Variants in PCNX2 observed in about 807,000 individuals in gnomAD.
PCNX2 encodes the protein pecanex-like protein 2.
PCNX2 carries 168 observed loss-of-function variants against 223.8 expected under a neutral mutation model. The observed-to-expected ratio is 0.75, with a 90% CI of 0.66 to 0.85. The LOEUF is 0.85. Ranked by LOEUF, PCNX2 falls within the 40% of genes least tolerant of loss-of-function variation. The probability of loss-of-function intolerance (pLI) is 0.00; values close to 1 mark genes in which losing one functional copy is unlikely to be tolerated. For missense variants in PCNX2, 2,507 were observed against 2,675.5 expected (o/e 0.94, Z 1.39); for synonymous variants, 1,006 against 1,052.6 (o/e 0.96, Z 0.86).
chr1:233,159,663 T>C (rs1009712227), intron 19 of PCNX2, among the ~76,000 whole-genome samples: 4 of 152,244 alleles, frequency 2.6e-5, no homozygotes, highest in Non-Finnish European at 5.9e-5. Flanking sequence ...GAAAAATTTC[T>C]AGAAGACTTC....
chr1:233,274,759 T>C (rs964536752), intron 1 of PCNX2, among the ~76,000 whole-genome samples: 2 of 152,096 alleles, frequency 1.3e-5, no homozygotes, highest in African/African-American at 2.4e-5. Context: ...GAGCAAATAG[T>C]TTGGAATCAC....
intron 21 of PCNX2, among the ~76,000 whole-genome samples, chr1:233,117,359 C>T (rs1675470942): frequency 6.6e-6 from 1 of 150,788 alleles, no homozygotes. Context: ...CGGCCTGGCG[C>T]GGTTGCTCAC....
intron 19 of PCNX2, among the ~76,000 whole-genome samples, chr1:233,151,382 C>G (rs1467537765): frequency 1.3e-5 from 2 of 152,166 alleles, no homozygotes; most frequent in African/African-American, 2.4e-5. Flanking sequence ...TCAAAATGCT[C>G]TCTTTAGCCT....
chr1:233,031,792 T>C (rs1371383508), intron 25 of PCNX2: 1 of 983,906 alleles, frequency 1.0e-6, no homozygotes, highest in Admixed American at 6.2e-5. Flanking sequence ...ATTCTTTTTT[T>C]TTTTTTTTTT....
At chr1:233,135,674 C>T (rs567393634) in intron 20 of PCNX2, among the ~76,000 whole-genome samples, 64 of 152,248 alleles carry the variant, frequency 4.2e-4, no homozygotes, top group Non-Finnish European at 8.4e-4. Context: ...GAATCCAATT[C>T]GAACAGTGAC....
chr1:232,988,082 G>GA (rs1669558148), intron 32 of PCNX2, among the ~76,000 whole-genome samples: 1 of 152,202 alleles, frequency 6.6e-6, no homozygotes. Flanking sequence ...CTCTTACAGA[G>GA]AAAAAGGAGA....
chr1:233,241,438 C>T (rs910492636), intron 8 of PCNX2: 4 of 906,020 alleles, frequency 4.4e-6, no homozygotes, highest in Non-Finnish European at 5.3e-6. Context: ...CAATCTCTTT[C>T]TAATACGTCT....
At chr1:233,083,972 A>C (rs985820390) in intron 23 of PCNX2, among the ~76,000 whole-genome samples, 9 of 152,338 alleles carry the variant, frequency 5.9e-5, no homozygotes, top group African/African-American at 2.2e-4. Context: ...TGAATAAGAA[A>C]AGATAGAAAT....
At chr1:233,244,601 A>G (rs1658990086) in intron 8 of PCNX2, among the ~76,000 whole-genome samples, 1 of 152,150 alleles carries the variant, frequency 6.6e-6, no homozygotes, top group South Asian at 2.1e-4. Context: ...AATCCCAGCT[A>G]CTTGAGAGGA....
rs543456829 is a variant in PCNX2, at chr1:233,234,821, A to G, written c.2358+2024T>C. Among the ~76,000 whole-genome samples, 168 of 152,298 alleles carry G rather than the reference A, an allele frequency of 1.1e-3. 1 individual carries two copies. The highest frequency in any genetic ancestry group is 3.6e-3 in the African/African-American group (149 of 41,550). The stretch of plus-strand genomic sequence containing the variant: ...CCGGGCTTATCTCAGGGGAAAATGC[A>G]AGTCCCTCAGGAAAGCCCGTATTCC... On this transcript the variant is annotated intron_variant, in intron 9 of 33. Coordinates refer to ENST00000258229, the MANE Select transcript of PCNX2 (RefSeq NM_014801.4).
At chr1:233,323,837 T>C in the PCNX2 span, among the ~76,000 whole-genome samples, 118 of 152,350 alleles carry the variant, frequency 7.7e-4, no homozygotes, top group Non-Finnish European at 1.3e-3. Context: ...GGAAAAGTCA[T>C]ACCTATCTCA....
intron 1 of PCNX2, among the ~76,000 whole-genome samples, chr1:233,293,694 C>G (rs77710193): frequency 0.02 from 3,034 of 152,330 alleles, 107 homozygotes; most frequent in African/African-American, 0.069. Flanking sequence ...ACTGAGCACT[C>G]TCTGTGTGAC....
chr1:233,310,430 G>A, the PCNX2 span, among the ~76,000 whole-genome samples: 2 of 152,182 alleles, frequency 1.3e-5, no homozygotes, highest in Non-Finnish European at 2.9e-5. Flanking sequence ...ATGTAGAGGA[G>A]ACCCCTGGTT....
chr1:233,008,586 T>A (rs1212602056), intron 28 of PCNX2, among the ~76,000 whole-genome samples: 1 of 152,134 alleles, frequency 6.6e-6, no homozygotes, highest in Non-Finnish European at 1.5e-5. Flanking sequence ...TGGGTGCCTG[T>A]TGGTGAGGGG....
At chr1:233,232,338 G>T (rs1658115209) in intron 9 of PCNX2, among the ~76,000 whole-genome samples, 1 of 152,160 alleles carries the variant, frequency 6.6e-6, no homozygotes, top group Admixed American at 6.5e-5. Flanking sequence ...ATTTTGCCCA[G>T]CTGTTGGCTA....
chr1:233,042,461 T>A (rs1671674970), intron 25 of PCNX2, among the ~76,000 whole-genome samples: 1 of 152,220 alleles, frequency 6.6e-6, no homozygotes. Context: ...CTAGCAGGGA[T>A]CCAGTAGTTG....
At chr1:233,195,359 A>G (rs1432382929) in intron 15 of PCNX2, among the ~76,000 whole-genome samples, 1 of 152,210 alleles carries the variant, frequency 6.6e-6, no homozygotes, top group Non-Finnish European at 1.5e-5. Flanking sequence ...AGCTAACTTC[A>G]TACTTAATGG....
At chr1:233,022,344 AC>A (rs1670920034) in intron 26 of PCNX2, among the ~76,000 whole-genome samples, 1 of 152,158 alleles carries the variant, frequency 6.6e-6, no homozygotes, top group African/African-American at 2.4e-5. Flanking sequence ...CCCAAAGAGG[AC>A]TCAGTTGTGG....
Position 232,993,513 on chromosome 1 carries a change from AAGC to A in PCNX2, c.5791+4735_5791+4737del, listed in dbSNP as rs775514115. ...GAAGTACAACTTATGTTTAAAAAGG[AAGC>A]AGAGTATAAAGGTTTGGAAAATTTG... On this transcript the variant is annotated intron_variant, in intron 32 of 33. Coordinates refer to ENST00000258229, the MANE Select transcript of PCNX2 (RefSeq NM_014801.4). 5.3e-5 allele frequency among the ~76,000 whole-genome samples: 8 copies of A among 152,354 alleles called. No individual in the cohort carries two copies. The East Asian group carries it at 1.3e-3, about 26-fold the overall frequency.
Sources: allele counts gnomAD v4.1 joint callset (sites outside exome capture counted in the v4.1 genomes callset), GRCh38; gene constraint gnomAD v4.1.1; transcripts MANE v1.5; gene names NCBI Gene and HGNC (gene_info 2026-07-23, HGNC 2026-07-21).